ERBB4: variants seen among roughly 807,000 people sequenced by gnomAD.
ERBB4 encodes receptor tyrosine-protein kinase erbB-4.
Under a neutral mutation model 158.0 loss-of-function variants are expected in ERBB4, and 42 were observed. That is an observed-to-expected ratio of 0.27 (90% confidence interval 0.21 to 0.34). The LOEUF is 0.34. ERBB4 is among the 10% of genes least tolerant of loss of function. ERBB4 has a pLI of 1.00. For missense variants in ERBB4, 1,333 were observed against 1,624.1 expected (o/e 0.82, Z 3.08); for synonymous variants, 583 against 558.7 (o/e 1.04, Z -0.61).
At chr2:211,711,430 T>G (rs2073698098) in intron 9 of ERBB4, among the ~76,000 whole-genome samples, 1 of 152,196 alleles carries the variant, frequency 6.6e-6, no homozygotes, top group Non-Finnish European at 1.5e-5. Flanking sequence ...CAAACTTGTT[T>G]GTTTTCCAGT....
intron 12 of ERBB4, among the ~76,000 whole-genome samples, chr2:211,684,521 T>A (rs1265655672): frequency 6.6e-6 from 1 of 152,062 alleles, no homozygotes; most frequent in Non-Finnish European, 1.5e-5. Context: ...AGGACACACA[T>A]CATTAGTAAT....
intron 16 of ERBB4, among the ~76,000 whole-genome samples, chr2:211,638,038 C>T: frequency 6.6e-6 from 1 of 152,002 alleles, no homozygotes; most frequent in Admixed American, 6.6e-5. Flanking sequence ...ATCTGTATTG[C>T]TATATTCATT....
intron 3 of ERBB4, among the ~76,000 whole-genome samples, chr2:211,850,004 C>A (rs1252790863): frequency 6.6e-6 from 1 of 151,958 alleles, no homozygotes; most frequent in Non-Finnish European, 1.5e-5. Flanking sequence ...AAACTGTTTT[C>A]AAGACGCTGC....
chr2:211,513,089 T>C (rs1236337322), intron 20 of ERBB4, among the ~76,000 whole-genome samples: 1 of 151,836 alleles, frequency 6.6e-6, no homozygotes, highest in Non-Finnish European at 1.5e-5. Context: ...TGCTTAAGTG[T>C]ACAAAGATGA....
Position 212,288,807 on chromosome 2 carries a change from C to A in ERBB4, c.83-163904G>T, listed in dbSNP as rs557046297. Among the ~76,000 whole-genome samples, 268 of 151,662 alleles carry A rather than the reference C, an allele frequency of 1.8e-3. 2 individuals carry two copies. The highest frequency in any genetic ancestry group is 6.2e-3 in the African/African-American group (256 of 41,096). ...ATCTAAGGCCCTGGGAATGATACTC[C>A]TACCTAAAAAGAGTTTCCCACCAAG... On this transcript the variant is annotated intron_variant, in intron 1 of 27. Coordinates refer to ENST00000342788, the MANE Select transcript of ERBB4 (RefSeq NM_005235.3).
intron 1 of ERBB4, among the ~76,000 whole-genome samples, chr2:212,301,149 CATT>C (rs953918858): frequency 8.8e-5 from 13 of 148,046 alleles, no homozygotes; most frequent in African/African-American, 3.0e-4. Context: ...ACTTTCAAAA[CATT>C]ATAAACCTTT....
At chr2:211,607,686 C>T (rs956516422) in intron 19 of ERBB4, among the ~76,000 whole-genome samples, 1 of 151,792 alleles carries the variant, frequency 6.6e-6, no homozygotes, top group Non-Finnish European at 1.5e-5. Context: ...AAAAGATGGC[C>T]TCTTAGGAGA....
At chr2:212,120,204 A>G (rs1256051749) in intron 2 of ERBB4, among the ~76,000 whole-genome samples, 1 of 152,100 alleles carries the variant, frequency 6.6e-6, no homozygotes, top group Non-Finnish European at 1.5e-5. Context: ...GCAGCTCTCT[A>G]TGATATTCAA....
At chr2:212,121,401 C>G (rs1260606194) in intron 2 of ERBB4, among the ~76,000 whole-genome samples, 1 of 152,044 alleles carries the variant, frequency 6.6e-6, no homozygotes, top group Non-Finnish European at 1.5e-5. Flanking sequence ...TTAGTCGAGA[C>G]GAGGTTTCAC....
At chr2:211,586,150 TAAGAAA>T (rs1481726436) in intron 19 of ERBB4, among the ~76,000 whole-genome samples, 3 of 152,044 alleles carry the variant, frequency 2.0e-5, no homozygotes, top group East Asian at 3.8e-4. Flanking sequence ...TCCACCCAAT[TAAGAAA>T]AAGAAGCCAA....
chr2:211,691,399 C>T (rs2072810055), intron 12 of ERBB4, among the ~76,000 whole-genome samples: 2 of 152,084 alleles, frequency 1.3e-5, no homozygotes, highest in Non-Finnish European at 2.9e-5. Flanking sequence ...AAGCATATCC[C>T]TGTGTTTATT....
At chr2:212,046,225 G>C (rs2077258499) in intron 2 of ERBB4, among the ~76,000 whole-genome samples, 1 of 152,108 alleles carries the variant, frequency 6.6e-6, no homozygotes, top group Admixed American at 6.5e-5. Flanking sequence ...AAAAGCAAAA[G>C]GAAATAGAAT....
chr2:212,485,601 A>G (rs1331957342), intron 1 of ERBB4, among the ~76,000 whole-genome samples: 1 of 152,220 alleles, frequency 6.6e-6, no homozygotes, highest in Non-Finnish European at 1.5e-5. Flanking sequence ...GGTGCTGTTA[A>G]AAAATTTATT....
rs569987552 is a variant in ERBB4, at chr2:212,071,506, C to G, written c.234+53246G>C. ...GAATATTTGAATAATCAGGTGGTAGCAAGTTCATGAATGTACTTTTTGAGT... is the reference window on the plus strand; with the variant it reads ...GAATATTTGAATAATCAGGTGGTAGGAAGTTCATGAATGTACTTTTTGAGT... On this transcript the variant is annotated intron_variant, in intron 2 of 27. Coordinates refer to ENST00000342788, the MANE Select transcript of ERBB4 (RefSeq NM_005235.3). 2.6e-5 allele frequency among the ~76,000 whole-genome samples: 4 copies of G among 152,030 alleles called. No individual in the cohort carries two copies. In the South Asian group the frequency reaches 8.3e-4, roughly 32 times the overall value.
intron 1 of ERBB4, among the ~76,000 whole-genome samples, chr2:212,128,235 T>C (rs62184041): frequency 4.6e-5 from 7 of 152,196 alleles, no homozygotes; most frequent in Non-Finnish European, 7.3e-5. Context: ...AATTCCTTCA[T>C]TGTAATAGAC....
At chr2:212,394,440 A>T (rs1220256916) in intron 1 of ERBB4, among the ~76,000 whole-genome samples, 1 of 152,064 alleles carries the variant, frequency 6.6e-6, no homozygotes, top group Non-Finnish European at 1.5e-5. Context: ...TCAAGTAAAT[A>T]AGGCCTCAGA....
rs56887696 is a variant in ERBB4, at chr2:211,719,868, G to GAAA, written c.883+2522_883+2524dup. On this transcript the variant is annotated intron_variant, in intron 7 of 27. Coordinates refer to ENST00000342788, the MANE Select transcript of ERBB4 (RefSeq NM_005235.3). ...AGATTCTGTCTCAAAACAAAGAAAA[G>GAAA]AAAAAAAAAAAAAAAAAGGAAAGTG... Among the ~76,000 whole-genome samples, 12 of 76,786 alleles carry GAAA rather than the reference G, an allele frequency of 1.6e-4. No homozygotes were observed. The South Asian group carries it at 4.2e-3, about 27-fold the overall frequency. 50.4% of individuals were successfully genotyped at this position (76,786 alleles called of 152,430 possible).
intron 1 of ERBB4, among the ~76,000 whole-genome samples, chr2:212,446,576 CCCATATATATATATGTATATAT>C (rs2092351501): frequency 2.3e-5 from 1 of 43,498 alleles, no homozygotes; most frequent in Non-Finnish European, 5.4e-5. Context: ...TTAATAAACT[CCCATATATATATATGTATATAT>C]ATATATATAT....
At chr2:211,870,756 T>TA (rs1363481370) in intron 3 of ERBB4, among the ~76,000 whole-genome samples, 61 of 152,274 alleles carry the variant, frequency 4.0e-4, no homozygotes, top group African/African-American at 1.4e-3. Context: ...TATATATGTA[T>TA]ATATACTCTC....
Sources: gnomAD v4.1 joint callset for allele counts (sites outside exome capture counted in the v4.1 genomes callset) on GRCh38, gnomAD v4.1.1 for gene constraint, MANE v1.5 for transcripts, NCBI Gene and HGNC (gene_info 2026-07-23, HGNC 2026-07-21) for gene names.